Variants in ATP1B1 observed in about 807,000 individuals in gnomAD.
ATP1B1 encodes the protein sodium/potassium-transporting ATPase subunit beta-1.
In ATP1B1, 3 loss-of-function variants were observed where a neutral mutation model predicts 39.6. The observed-to-expected ratio is 0.08, with a 90% confidence interval of 0.03 to 0.20. ATP1B1 has a LOEUF of 0.20. Among genes scored for constraint, ATP1B1 ranks in the 10% least tolerant of loss-of-function variants. The probability of loss-of-function intolerance (pLI) is 1.00; values close to 1 mark genes in which losing one functional copy is unlikely to be tolerated. For missense variants in ATP1B1, 216 were observed against 371.1 expected, an observed-to-expected ratio of 0.58 and a Z score of 3.43; for synonymous variants, 139 against 135.0, an observed-to-expected ratio of 1.03 and a Z score of -0.20.
At chr1:169,127,501 AT>A in intron 4 of ATP1B1, 93 bp downstream of exon 4, 1 of 1,371,284 alleles carries the variant, frequency 7.3e-7, no homozygotes, top group South Asian at 1.4e-5. Flanking sequence ...GTTTTAAAGT[AT>A]ACTCAGTGCT....
At chr1:169,116,487 AG>A (rs1459658097) in intron 2 of ATP1B1, among the ~76,000 whole-genome samples, 3 of 152,182 alleles carry the variant, frequency 2.0e-5, no homozygotes, top group Admixed American at 1.3e-4. Flanking sequence ...GATGCAGACC[AG>A]CTGACCACAC....
At position 169,122,191 on chromosome 1, in the gene ATP1B1, C is replaced by T. The variant is rs546812237; in HGVS notation, c.227-2693C>T. On this transcript the variant is annotated intron_variant, in intron 2 of 5. Coordinates refer to ENST00000367815, the MANE Select transcript of ATP1B1 (RefSeq NM_001677.4). ...CCTATGCACTGGCTCTTCGGGTGGC[C>T]CCTCAGCATGACCGTCCCTCAAGGC... Among the ~76,000 whole-genome samples, 9 of 152,282 alleles carry T rather than the reference C, an allele frequency of 5.9e-5. No homozygotes were observed. In the South Asian group the frequency reaches 1.9e-3, roughly 32 times the overall value.
chr1:169,110,767 G>T, intron 1 of ATP1B1: 5 of 1,037,454 alleles, frequency 4.8e-6, no homozygotes, highest in Non-Finnish European at 6.5e-6. Flanking sequence ...CGAGGGGAAA[G>T]AGTGTGCTTT....
chr1:169,113,505 T>C (rs1368264805), intron 2 of ATP1B1, among the ~76,000 whole-genome samples: 1 of 151,996 alleles, frequency 6.6e-6, no homozygotes, highest in African/African-American at 2.4e-5. Context: ...TTAATGAAAC[T>C]AAAAATTCTC....
chr1:169,116,371 T>C (rs1657847686), intron 2 of ATP1B1, among the ~76,000 whole-genome samples: 1 of 152,168 alleles, frequency 6.6e-6, no homozygotes, highest in African/African-American at 2.4e-5. Flanking sequence ...TGGGTGGCTG[T>C]TTGTTTAGCT....
Position 169,111,355 on chromosome 1 carries a change from C to A in ATP1B1, c.98-15C>A. ...ATGACTGCATCACAGCTTTTTGTTT[C>A]TGTTCTTCTTGCAGTTAAGATCCTT... On this transcript the variant is annotated splice_polypyrimidine_tract_variant and intron_variant, in intron 1 of 5. Coordinates refer to ENST00000367815, the MANE Select transcript of ATP1B1 (RefSeq NM_001677.4). The A allele has an allele frequency of 6.2e-7, 1 of 1,613,506 alleles. No individual in the cohort carries two copies. Among genetic ancestry groups the A allele is most frequent in the Non-Finnish European group, 8.5e-7 (1 of 1,179,852 alleles).
intron 2 of ATP1B1, among the ~76,000 whole-genome samples, chr1:169,118,211 C>T (rs1227865135): frequency 1.3e-5 from 2 of 152,164 alleles, no homozygotes; most frequent in Non-Finnish European, 1.5e-5. Context: ...AAGAAGAGGA[C>T]GGATCAGAGA....
At chr1:169,115,378 T>G (rs570553257) in intron 2 of ATP1B1, among the ~76,000 whole-genome samples, 5 of 150,696 alleles carry the variant, frequency 3.3e-5, no homozygotes, top group South Asian at 2.1e-4. Context: ...AGAGGGAGTC[T>G]TCTTCTGTCG....
rs1490514708 is a variant in ATP1B1, at chr1:169,132,442, A to G, written c.*887A>G. 4.6e-6 allele frequency: 2 copies of G among 430,288 alleles called. No individual in the cohort carries two copies. The highest frequency in any genetic ancestry group is 8.2e-6 in the Non-Finnish European group (2 of 242,536). 26.7% of individuals were successfully genotyped at this position (430,288 alleles called of 1,614,324 possible). A position where few individuals can be genotyped will look rare whatever the true frequency, so the allele number is the denominator to read the frequency against. ...CTTTATGAATGTTTTAACCATTTTCATGGTGGAAGAATTTTATATTTATGC... is the reference window on the plus strand; with the variant it reads ...CTTTATGAATGTTTTAACCATTTTCGTGGTGGAAGAATTTTATATTTATGC... On this transcript the variant is annotated 3_prime_UTR_variant, in exon 6 of 6. Coordinates refer to ENST00000367815, the MANE Select transcript of ATP1B1 (RefSeq NM_001677.4).
chr1:169,127,140 C>T, intron 3 of ATP1B1, 84 bp from the exon 4 acceptor site: 2 of 1,402,726 alleles, frequency 1.4e-6, no homozygotes, highest in South Asian at 3.2e-5. Flanking sequence ...GAATAGGTAA[C>T]TATGACAAGG....
intron 4 of ATP1B1, 75 bp downstream of exon 4, chr1:169,127,483 G>A (rs1157942306): frequency 6.8e-7 from 1 of 1,480,304 alleles, no homozygotes; most frequent in Non-Finnish European, 9.1e-7. Flanking sequence ...AGAAGACAAT[G>A]TAAGATAGTT....
chr1:169,132,478 TTTTA>T lies in ATP1B1; in HGVS notation c.*927_*930del, dbSNP rs1286312475. 2 of 428,486 alleles carry T rather than the reference TTTTA, an allele frequency of 4.7e-6. No individual in the cohort carries two copies. Among genetic ancestry groups the T allele is most frequent in the African/African-American group, 2.1e-5 (1 of 48,776 alleles). 26.5% of individuals were successfully genotyped at this position (428,486 alleles called of 1,614,324 possible). On this transcript the variant is annotated 3_prime_UTR_variant, in exon 6 of 6. Transcript: ENST00000367815. ...ATTTTATATTTATGCAGTTGTACAA[TTTTA>T]TTTTTTTCTGCAAGAAAAAGTGTAA...
chr1:169,114,834 G>A lies in ATP1B1; in HGVS notation c.226+3336G>A, dbSNP rs60382380. ...AAGGCAGGGGTTCAAGACCAGCCTG[G>A]GCAACATAGCAAGACCCCATATCCA... On this transcript the variant is annotated intron_variant, in intron 2 of 5. Transcript: ENST00000367815. Among the ~76,000 whole-genome samples, 751 of 151,816 alleles carry A rather than the reference G, an allele frequency of 4.9e-3. 5 individuals are homozygous for A. The highest frequency in any genetic ancestry group is 0.017 in the African/African-American group (721 of 41,364).
chr1:169,124,163 C>T (rs1658041951), intron 2 of ATP1B1, among the ~76,000 whole-genome samples: 1 of 152,096 alleles, frequency 6.6e-6, no homozygotes, highest in African/African-American at 2.4e-5. Flanking sequence ...AAGGCAGCGG[C>T]TTTTGGATAT....
Position 169,106,882 on chromosome 1 carries a change from A to G in ATP1B1, c.53A>G (p.Asn18Ser). The G allele has an allele frequency of 6.3e-7, 1 of 1,585,352 alleles. No homozygotes were observed. Among genetic ancestry groups the G allele is most frequent in the Non-Finnish European group, 8.6e-7 (1 of 1,168,206 alleles). Residue 18 changes from asparagine to serine, a missense_variant, in exon 1 of 6, where the codon AAC (asparagine) becomes AGC (serine). Transcript: ENST00000367815. ...GGCAGCTGGAAGAAATTCATCTGGA[A>G]CTCAGAGAAGAAGGAGTTTCTGGGC... Reference protein sequence around the residue: ...EEGSWKKFIWNSEKKEFLGRT... With the variant: ...EEGSWKKFIWSSEKKEFLGRT...
At chr1:169,111,037 G>A in intron 1 of ATP1B1, among the ~76,000 whole-genome samples, 1 of 152,262 alleles carries the variant, frequency 6.6e-6, no homozygotes, top group Middle Eastern at 3.4e-3. Context: ...GATTTTATTG[G>A]TGATCTTCAT....
chr1:169,125,783 G>A (rs1288551020), intron 3 of ATP1B1, among the ~76,000 whole-genome samples: 2 of 152,084 alleles, frequency 1.3e-5, no homozygotes, highest in African/African-American at 4.8e-5. Flanking sequence ...AGACCAACCT[G>A]GGCAACACAG....
intron 5 of ATP1B1, among the ~76,000 whole-genome samples, chr1:169,130,691 G>A (rs1391391753): frequency 1.3e-5 from 2 of 149,564 alleles, no homozygotes; most frequent in Non-Finnish European, 3.0e-5. Flanking sequence ...CCTGAGGCAG[G>A]AGAATCGCTT....
At chr1:169,117,024 C>G (rs1489170778) in intron 2 of ATP1B1, among the ~76,000 whole-genome samples, 2 of 152,198 alleles carry the variant, frequency 1.3e-5, no homozygotes, top group Non-Finnish European at 2.9e-5. Flanking sequence ...CTATCTCTCA[C>G]TCACACTTCA....
Sources: gnomAD v4.1 joint callset for allele counts (sites outside exome capture counted in the v4.1 genomes callset) on GRCh38, gnomAD v4.1.1 for gene constraint, MANE v1.5 for transcripts, NCBI Gene and HGNC (gene_info 2026-07-23, HGNC 2026-07-21) for gene names.